GABRG1: variants seen among roughly 807,000 people sequenced by gnomAD.
GABRG1 encodes gamma-aminobutyric acid type A receptor subunit gamma1, also known as gamma-aminobutyric acid receptor subunit gamma-1.
GABRG1 carries 49 observed loss-of-function variants against 49.8 expected under a neutral mutation model. The ratio of observed to expected loss-of-function variants is 0.98; its 90% confidence interval spans 0.78 to 1.25. The LOEUF (loss-of-function observed/expected upper bound fraction) is 1.25, where lower values mean the gene tolerates loss of function less well. Ranked by LOEUF, GABRG1 falls within the 50% of genes most tolerant of loss-of-function variation. GABRG1 has a pLI of 0.00. For missense variants in GABRG1, 552 were observed against 552.3 expected (o/e 1.00, Z 0.01); for synonymous variants, 232 against 185.1 (o/e 1.25, Z -2.06).
intron 1 of GABRG1, among the ~76,000 whole-genome samples, chr4:46,118,145 T>TATATATATATATATAC (rs1201578705): frequency 2.1e-5 from 3 of 146,222 alleles, no homozygotes; most frequent in African/African-American, 7.5e-5. Context: ...TATATATATA[T>TATATATATATATATAC]ACAGCTACAG....
At chr4:46,064,781 C>T (rs1474364280) in intron 4 of GABRG1, among the ~76,000 whole-genome samples, 1 of 152,064 alleles carries the variant, frequency 6.6e-6, no homozygotes, top group Non-Finnish European at 1.5e-5. Flanking sequence ...TGTGTTTACA[C>T]ATAATAATTC....
intron 1 of GABRG1, among the ~76,000 whole-genome samples, chr4:46,111,741 A>T (rs886700122): frequency 5.3e-5 from 8 of 151,412 alleles, no homozygotes; most frequent in African/African-American, 1.9e-4. Flanking sequence ...GCAATGAGAA[A>T]AGGACTCTCT....
chr4:46,058,165 A>G lies in GABRG1; in HGVS notation c.916+52T>C, dbSNP rs1036846736. 7.9e-6 allele frequency: 12 copies of G among 1,520,946 alleles called. No homozygotes were observed. The African/African-American group carries it at 1.3e-4, about 16-fold the overall frequency. The allele number at this position is 1,520,946 out of a possible 1,614,324, so 94.2% of individuals were successfully genotyped here. On this transcript the variant is annotated intron_variant, in intron 7 of 8. Transcript: ENST00000295452. ...GTGACTATGAACTTTTATCACATCA[A>G]AATGATTTTTTAAAGTTCTATGGCA...
At chr4:46,067,561 T>G (rs538773473) in intron 3 of GABRG1, among the ~76,000 whole-genome samples, 17 of 152,230 alleles carry the variant, frequency 1.1e-4, no homozygotes, top group Admixed American at 4.6e-4. Flanking sequence ...GACCCTCTCT[T>G]TACATAATTT....
chr4:46,059,264 G>A (rs895491390), intron 5 of GABRG1, among the ~76,000 whole-genome samples: 3 of 152,036 alleles, frequency 2.0e-5, no homozygotes, highest in African/African-American at 4.8e-5. Context: ...CTCCCGAAAC[G>A]TGGCATGCAA....
At chr4:46,048,201 T>C (rs1385380420) in intron 8 of GABRG1, among the ~76,000 whole-genome samples, 4 of 152,032 alleles carry the variant, frequency 2.6e-5, no homozygotes, top group Admixed American at 6.6e-5. Flanking sequence ...GTTCAACATA[T>C]TTAACTTAAC....
intron 5 of GABRG1, 83 bp downstream of exon 5, chr4:46,064,357 AT>A: frequency 1.4e-6 from 1 of 727,528 alleles, no homozygotes; most frequent in Non-Finnish European, 2.3e-6. Context: ...TGAAAATCCT[AT>A]TTTATTTTCT....
At position 46,065,519 on chromosome 4, in the gene GABRG1, G is replaced by A. The variant is rs146455246; in HGVS notation, c.387C>T (p.Thr129=). Reference sequence around the variant, plus strand: ...TACTGTTAAGCATAAGCACTTTCATGGTACTATTGAATTTTAAACGACTGT... The same window carrying A: ...TACTGTTAAGCATAAGCACTTTCATAGTACTATTGAATTTTAAACGACTGT... ...WFDSRLKFNS[T]MKVLMLNSNM... is the part of the protein sequence containing the mutation. Residue 129 remains threonine (T), a synonymous_variant, in exon 4 of 9, where the codon ACC becomes ACT. Transcript: ENST00000295452. 3.8e-4 allele frequency: 613 copies of A among 1,609,270 alleles called. 2 individuals are homozygous for A. The African/African-American group carries it at 6.9e-3, about 18-fold the overall frequency.
rs982985609 is a variant in GABRG1, at chr4:46,086,900, G to C, written c.254-2847C>G. On this transcript the variant is annotated intron_variant, in intron 2 of 8. Coordinates refer to ENST00000295452, the MANE Select transcript of GABRG1 (RefSeq NM_173536.4). ...TATTGTGAAAGCAAGTTTTTGTTTT[G>C]TTTTGTTTTTAGAAAGCAAAGGAAT... Among the ~76,000 whole-genome samples, 3 of 151,526 alleles carry C rather than the reference G, an allele frequency of 2.0e-5. No homozygotes were observed. In the South Asian group the frequency reaches 6.2e-4, roughly 32 times the overall value.
chr4:46,101,667 A>G (rs1234942331), intron 1 of GABRG1, among the ~76,000 whole-genome samples: 1 of 151,726 alleles, frequency 6.6e-6, no homozygotes, highest in African/African-American at 2.4e-5. Flanking sequence ...TTTCAATCCA[A>G]TGACACAGAA....
chr4:46,101,974 G>T (rs1035792690), intron 1 of GABRG1, among the ~76,000 whole-genome samples: 2 of 151,510 alleles, frequency 1.3e-5, no homozygotes, highest in South Asian at 4.2e-4. Context: ...ATTTATTTTT[G>T]CATGTTAATA....
chr4:46,100,475 G>C (rs1242803246), intron 1 of GABRG1, among the ~76,000 whole-genome samples: 2 of 94,058 alleles, frequency 2.1e-5, no homozygotes, highest in Non-Finnish European at 2.2e-5. Flanking sequence ...TAAAATAAAA[G>C]TAAAAAAAAA....
At chr4:46,099,920 T>C (rs949477927) in intron 1 of GABRG1, among the ~76,000 whole-genome samples, 4 of 151,730 alleles carry the variant, frequency 2.6e-5, no homozygotes, top group South Asian at 2.1e-4. Flanking sequence ...ATACCCGCAG[T>C]ATGCAATGAG....
intron 2 of GABRG1, among the ~76,000 whole-genome samples, chr4:46,090,483 T>C (rs987914980): frequency 6.6e-6 from 1 of 151,968 alleles, no homozygotes; most frequent in Non-Finnish European, 1.5e-5. Flanking sequence ...GATTTAGCAA[T>C]TAGGAATATA....
chr4:46,041,483 A>G (rs557262165), intron 8 of GABRG1, among the ~76,000 whole-genome samples: 2 of 152,082 alleles, frequency 1.3e-5, no homozygotes, highest in East Asian at 3.9e-4. Flanking sequence ...AAAATAAAAT[A>G]TATTTTTATA....
chr4:46,084,044 G>C lies in GABRG1; in HGVS notation c.263C>G (p.Thr88Arg). 1 of 1,568,576 alleles carries C rather than the reference G, an allele frequency of 6.4e-7. No individual in the cohort carries two copies. The highest frequency in any genetic ancestry group is 1.1e-5 in the South Asian group (1 of 88,254). Reference protein sequence around the residue: ...KLRPDIGVRPTVIETDVYVNS... With the variant: ...KLRPDIGVRPRVIETDVYVNS... Reference sequence around the variant, plus strand: ...TACATAAACATCAGTTTCAATTACTGTGGGCCTCACTGCAAAATATCAACA... The same window carrying C: ...TACATAAACATCAGTTTCAATTACTCTGGGCCTCACTGCAAAATATCAACA... The change falls in exon 3 of 9, where the codon ACA (threonine) becomes AGA (arginine). Residue 88 changes from threonine to arginine, a missense_variant. By Grantham distance (71) the Thr-to-Arg change is moderately conservative. Transcript: ENST00000295452.
chr4:46,111,552 A>G (rs889883060), intron 1 of GABRG1, among the ~76,000 whole-genome samples: 4 of 151,474 alleles, frequency 2.6e-5, no homozygotes, highest in African/African-American at 9.7e-5. Context: ...CCAAGAAAAA[A>G]GAACAAAGCC....
chr4:46,116,611 T>C (rs1307245668), intron 1 of GABRG1, among the ~76,000 whole-genome samples: 1 of 150,852 alleles, frequency 6.6e-6, no homozygotes, highest in Non-Finnish European at 1.5e-5. Flanking sequence ...CCTTGGGATC[T>C]GAAATGAGTG....
At chr4:46,092,244 T>C (rs1720016654) in intron 2 of GABRG1, among the ~76,000 whole-genome samples, 1 of 152,034 alleles carries the variant, frequency 6.6e-6, no homozygotes, top group Non-Finnish European at 1.5e-5. Flanking sequence ...GTTAATTGCT[T>C]TTAAACACCT....
Sources: allele counts gnomAD v4.1 joint callset (sites outside exome capture counted in the v4.1 genomes callset), GRCh38; gene constraint gnomAD v4.1.1; transcripts MANE v1.5; gene names NCBI Gene and HGNC (gene_info 2026-07-23, HGNC 2026-07-21).